Variants in PTPRE observed in about 807,000 individuals in gnomAD.
PTPRE encodes protein tyrosine phosphatase receptor type E, also known as receptor-type tyrosine-protein phosphatase epsilon.
Under a neutral mutation model 102.0 loss-of-function variants are expected in PTPRE, and 51 were observed. That is an observed-to-expected ratio of 0.50 (90% CI 0.40 to 0.63). The LOEUF (loss-of-function observed/expected upper bound fraction) is 0.63. Among genes scored for constraint, PTPRE ranks in the 30% least tolerant of loss-of-function variants. The pLI, the probability that PTPRE is intolerant of heterozygous loss-of-function variation, is 0.00. For synonymous variants in PTPRE, 345 were observed against 348.2 expected, an observed-to-expected ratio of 0.99 and a Z score of 0.10; for missense variants, 752 against 915.1, an observed-to-expected ratio of 0.82 and a Z score of 2.30.
At chr10:128,026,474 C>T (rs947736504) in intron 2 of PTPRE, among the ~76,000 whole-genome samples, 11 of 152,340 alleles carry the variant, frequency 7.2e-5, no homozygotes, top group African/African-American at 1.4e-4. Flanking sequence ...CGGGCTTGTC[C>T]GGAGCATGGC....
At chr10:128,014,439 G>T (rs1031960292) in intron 2 of PTPRE, among the ~76,000 whole-genome samples, 1 of 152,192 alleles carries the variant, frequency 6.6e-6, no homozygotes, top group African/African-American at 2.4e-5. Context: ...GGCGTGTATC[G>T]AGGGGGACAT....
At chr10:127,979,625 C>T (rs1443898884) in intron 1 of PTPRE, among the ~76,000 whole-genome samples, 2 of 152,168 alleles carry the variant, frequency 1.3e-5, no homozygotes, top group Admixed American at 1.3e-4. Flanking sequence ...TGCAGTGAGC[C>T]ATGATTGCAC....
chr10:127,991,710 G>A (rs1013233848), intron 2 of PTPRE, among the ~76,000 whole-genome samples: 4 of 152,198 alleles, frequency 2.6e-5, no homozygotes, highest in African/African-American at 9.7e-5. Flanking sequence ...AATATCAGGT[G>A]TTTCCCTACA....
intron 5 of PTPRE, among the ~76,000 whole-genome samples, chr10:128,048,721 G>C (rs911399308): frequency 6.6e-6 from 1 of 152,180 alleles, no homozygotes; most frequent in Non-Finnish European, 1.5e-5. Flanking sequence ...GGTGCGGCTA[G>C]TGAGTAGCAG....
chr10:127,980,568 T>TTTGTTCCCAG (rs1851532165), intron 1 of PTPRE, among the ~76,000 whole-genome samples: 1 of 152,194 alleles, frequency 6.6e-6, no homozygotes, highest in African/African-American at 2.4e-5. Context: ...GGACAAATCC[T>TTTGTTCCCAG]TGCTTTGTTC....
chr10:128,021,592 A>C (rs2135692390), intron 2 of PTPRE, among the ~76,000 whole-genome samples: 1 of 152,286 alleles, frequency 6.6e-6, no homozygotes, highest in African/African-American at 2.4e-5. Flanking sequence ...AGAAGGTGAA[A>C]CTACTGTCCT....
At chr10:127,996,206 G>A (rs554266620) in intron 2 of PTPRE, among the ~76,000 whole-genome samples, 19 of 152,316 alleles carry the variant, frequency 1.2e-4, no homozygotes, top group Non-Finnish European at 1.6e-4. Context: ...AGAAGCTTCC[G>A]TTGCTTGGCA....
At chr10:127,914,794 A>T (rs1232925845) in intron 1 of PTPRE, among the ~76,000 whole-genome samples, 1 of 152,122 alleles carries the variant, frequency 6.6e-6, no homozygotes, top group Non-Finnish European at 1.5e-5. Flanking sequence ...AACCGAGGAG[A>T]CCTGGAAGTT....
chr10:128,076,479 T>TA, intron 17 of PTPRE, 124 bp from the exon 18 acceptor site: 4 of 766,460 alleles, frequency 5.2e-6, no homozygotes, highest in Non-Finnish European at 7.5e-6. Context: ...CATATTCATA[T>TA]GTTTTTTTTT....
At chr10:128,050,976 C>CT (rs1848521649) in intron 6 of PTPRE, among the ~76,000 whole-genome samples, 1 of 152,184 alleles carries the variant, frequency 6.6e-6, no homozygotes, top group Non-Finnish European at 1.5e-5. Flanking sequence ...ATCTTACTTC[C>CT]TTTTTATTGT....
chr10:128,052,411 T>C (rs1848629762), intron 6 of PTPRE, among the ~76,000 whole-genome samples: 1 of 152,212 alleles, frequency 6.6e-6, no homozygotes, highest in African/African-American at 2.4e-5. Context: ...GGAGTCGGCC[T>C]GAGTGTTTGT....
chr10:127,945,327 G>A (rs1259457605), intron 1 of PTPRE, among the ~76,000 whole-genome samples: 2 of 152,204 alleles, frequency 1.3e-5, no homozygotes, highest in East Asian at 3.9e-4. Flanking sequence ...GAATCTTCCA[G>A]GGCAAGCAGG....
At chr10:128,000,146 A>G (rs1459359974) in intron 2 of PTPRE, among the ~76,000 whole-genome samples, 2 of 152,110 alleles carry the variant, frequency 1.3e-5, no homozygotes, top group Non-Finnish European at 2.9e-5. Context: ...ACTCTGCTTG[A>G]GCCTCTCTCC....
At chr10:128,020,739 C>T (rs192761835) in intron 2 of PTPRE, among the ~76,000 whole-genome samples, 1 of 152,278 alleles carries the variant, frequency 6.6e-6, no homozygotes, top group East Asian at 1.9e-4. Context: ...AGTTCTAACC[C>T]AGATGAGCTC....
intron 1 of PTPRE, among the ~76,000 whole-genome samples, chr10:127,975,731 C>T (rs1245813902): frequency 5.3e-5 from 8 of 152,158 alleles, no homozygotes; most frequent in Non-Finnish European, 1.5e-5. Flanking sequence ...TGTTCAGTTA[C>T]CATTAGCGTC....
In PTPRE at chr10:128,065,399, G is replaced by C. The variant is rs909707945; in HGVS notation, c.724-676G>C. Among the ~76,000 whole-genome samples, 3 of 152,180 alleles carry C rather than the reference G, an allele frequency of 2.0e-5. No individual in the cohort carries two copies. In the East Asian group the frequency reaches 5.8e-4, roughly 29 times the overall value. On this transcript the variant is annotated intron_variant, in intron 10 of 20. Transcript: ENST00000254667. ...TCGCGAAGTGATGGAGGACACCACC[G>C]GGCAGGTGCTGCGGGCGGTGCTGCA...
intron 1 of PTPRE, among the ~76,000 whole-genome samples, chr10:127,908,926 A>G (rs369800312): frequency 8.5e-5 from 13 of 152,136 alleles, no homozygotes; most frequent in African/African-American, 3.1e-4. Flanking sequence ...TTAGTCACAC[A>G]CTCCCTCATC....
chr10:127,978,132 T>C (rs922918646), intron 1 of PTPRE, among the ~76,000 whole-genome samples: 7 of 152,204 alleles, frequency 4.6e-5, no homozygotes, highest in Admixed American at 4.6e-4. Context: ...GTATCATTAT[T>C]GCCATCTGCA....
intron 2 of PTPRE, among the ~76,000 whole-genome samples, chr10:128,018,827 C>T (rs1392152568): frequency 6.6e-6 from 1 of 152,178 alleles, no homozygotes; most frequent in Non-Finnish European, 1.5e-5. Context: ...CAAGCCACTC[C>T]AGTCCCCATC....
Sources: allele counts gnomAD v4.1 joint callset (sites outside exome capture counted in the v4.1 genomes callset), GRCh38; gene constraint gnomAD v4.1.1; transcripts MANE v1.5; gene names NCBI Gene and HGNC (gene_info 2026-07-23, HGNC 2026-07-21).